TIAM1: variants seen among roughly 807,000 people sequenced by gnomAD.
The protein encoded by TIAM1 is rho guanine nucleotide exchange factor TIAM1.
Under a neutral mutation model 163.5 loss-of-function variants are expected in TIAM1, and 65 were observed. The ratio of observed to expected loss-of-function variants is 0.40; its 90% confidence interval spans 0.33 to 0.49. The LOEUF (loss-of-function observed/expected upper bound fraction) is 0.49, where lower values mean the gene tolerates loss of function less well. Among genes scored for constraint, TIAM1 ranks in the 20% least tolerant of loss-of-function variants. The pLI is 0.77. For synonymous variants in TIAM1, 833 were observed against 810.1 expected (o/e 1.03, Z -0.48); for missense variants, 1,789 against 2,044.7 (o/e 0.87, Z 2.41).
At chr21:31,512,779 A>C (rs1007283954) in intron 1 of TIAM1, among the ~76,000 whole-genome samples, 2 of 150,354 alleles carry the variant, frequency 1.3e-5, no homozygotes, top group African/African-American at 4.9e-5. Context: ...CACCATGCCT[A>C]GTTAGGTGTT....
At chr21:31,380,606 G>A (rs1261926124) in intron 2 of TIAM1, among the ~76,000 whole-genome samples, 1 of 152,014 alleles carries the variant, frequency 6.6e-6, no homozygotes, top group East Asian at 1.9e-4. Context: ...TTATGGAAGT[G>A]TACATTTTAA....
chr21:31,453,642 T>C (rs2044964257), intron 2 of TIAM1, among the ~76,000 whole-genome samples: 1 of 151,408 alleles, frequency 6.6e-6, no homozygotes, highest in African/African-American at 2.4e-5. Context: ...GCAGTGAGAT[T>C]GCGCCACTGC....
intron 2 of TIAM1, among the ~76,000 whole-genome samples, chr21:31,333,355 T>C (rs1196082626): frequency 6.6e-6 from 1 of 152,238 alleles, no homozygotes; most frequent in African/African-American, 2.4e-5. Context: ...TTCAAATTTA[T>C]CAAACTTCTA....
intron 2 of TIAM1, among the ~76,000 whole-genome samples, chr21:31,376,379 G>A (rs1347208233): frequency 6.6e-6 from 1 of 152,116 alleles, no homozygotes; most frequent in Non-Finnish European, 1.5e-5. Context: ...GCACTCCACG[G>A]TATGCAGGGC....
rs189666965 is a variant in TIAM1, at chr21:31,258,883, G to A, written c.964-6694C>T. Among the ~76,000 whole-genome samples, 498 of 151,830 alleles carry A rather than the reference G, an allele frequency of 3.3e-3. 3 individuals carry two copies. Among genetic ancestry groups the A allele is most frequent in the African/African-American group, 0.011 (460 of 41,404 alleles). On this transcript the variant is annotated intron_variant, in intron 4 of 27. Coordinates refer to ENST00000541036, the MANE Select transcript of TIAM1 (RefSeq NM_001353694.2). ...GCCCAAGCTAGATACTCGGTCAACT[G>A]GTGGTCCAAAGCCAACTGGGCCCAA...
intron 2 of TIAM1, among the ~76,000 whole-genome samples, chr21:31,335,463 G>A (rs925631481): frequency 6.6e-6 from 1 of 152,020 alleles, no homozygotes; most frequent in Non-Finnish European, 1.5e-5. Context: ...TTGTAATCCC[G>A]GGAGGCCAAG....
intron 2 of TIAM1, among the ~76,000 whole-genome samples, chr21:31,383,071 C>A (rs1402400382): frequency 6.6e-6 from 1 of 151,992 alleles, no homozygotes; most frequent in East Asian, 1.9e-4. Flanking sequence ...GAAACCCCGT[C>A]TCTACTAAAA....
At chr21:31,525,068 G>C (rs2147504050) in intron 1 of TIAM1, among the ~76,000 whole-genome samples, 1 of 152,138 alleles carries the variant, frequency 6.6e-6, no homozygotes, top group Middle Eastern at 3.4e-3. Context: ...AAAAGAGAGA[G>C]GGGCCAGACT....
intron 1 of TIAM1, among the ~76,000 whole-genome samples, chr21:31,495,843 G>T (rs1199086859): frequency 6.6e-6 from 1 of 152,126 alleles, no homozygotes; most frequent in Admixed American, 6.5e-5. Flanking sequence ...GCAGGGGCAG[G>T]CGCCTATAAT....
intron 2 of TIAM1, among the ~76,000 whole-genome samples, chr21:31,419,365 C>T (rs531610862): frequency 2.0e-5 from 3 of 152,274 alleles, no homozygotes; most frequent in South Asian, 2.1e-4. Context: ...AGGACAGTGA[C>T]GCACCTTGTA....
intron 2 of TIAM1, among the ~76,000 whole-genome samples, chr21:31,323,537 AT>A (rs2075385284): frequency 6.6e-6 from 1 of 152,056 alleles, no homozygotes; most frequent in African/African-American, 2.4e-5. Context: ...TCTATAAAAA[AT>A]TTAAAAATTA....
intron 2 of TIAM1, among the ~76,000 whole-genome samples, chr21:31,405,505 T>C (rs2077231966): frequency 6.6e-6 from 1 of 152,078 alleles, no homozygotes; most frequent in South Asian, 2.1e-4. Context: ...GATAAAGACA[T>C]AACTGAGACT....
intron 2 of TIAM1, among the ~76,000 whole-genome samples, chr21:31,371,626 A>C (rs1324562251): frequency 6.6e-6 from 1 of 152,216 alleles, no homozygotes; most frequent in Non-Finnish European, 1.5e-5. Context: ...AAAAGAACTA[A>C]GGGTTGAACC....
In TIAM1 at chr21:31,245,672, G is replaced by A. The variant is rs1204159577; in HGVS notation, c.1412-12C>T. On this transcript the variant is annotated splice_polypyrimidine_tract_variant and intron_variant, in intron 5 of 27. Transcript: ENST00000541036. ...AAATAGCGTGCATCCTGAGGAAACA[G>A]AACAGGGGTGTGCATGAGTATTCAG... 1.9e-6 allele frequency: 3 copies of A among 1,539,242 alleles called. No individual in the cohort carries two copies. The highest frequency in any genetic ancestry group is 2.8e-5 in the African/African-American group (2 of 72,186).
At chr21:31,526,194 T>G (rs574195057) in intron 1 of TIAM1, among the ~76,000 whole-genome samples, 1 of 152,200 alleles carries the variant, frequency 6.6e-6, no homozygotes, top group South Asian at 2.1e-4. Flanking sequence ...CTGGGGCAGA[T>G]GAGTAAGCAA....
At chr21:31,369,967 G>C (rs1319108456) in intron 2 of TIAM1, among the ~76,000 whole-genome samples, 3 of 152,100 alleles carry the variant, frequency 2.0e-5, no homozygotes, top group Non-Finnish European at 4.4e-5. Context: ...CCTGGGGTAG[G>C]ACTTTTGGGA....
At chr21:31,465,574 TC>T (rs1294993094) in intron 1 of TIAM1, among the ~76,000 whole-genome samples, 4 of 130,564 alleles carry the variant, frequency 3.1e-5, no homozygotes, top group African/African-American at 8.1e-5. Context: ...GTAGTGATCT[TC>T]TTTTTTTTTT....
At chr21:31,210,705 GAGAA>G (rs1194009065) in intron 10 of TIAM1, among the ~76,000 whole-genome samples, 15 of 89,794 alleles carry the variant, frequency 1.7e-4, no homozygotes, top group Non-Finnish European at 2.6e-4. Flanking sequence ...AAGAAAGAAA[GAGAA>G]AGAAAGAGAA....
intron 1 of TIAM1, among the ~76,000 whole-genome samples, chr21:31,543,648 A>G (rs4817403): frequency 0.43 from 65,447 of 152,086 alleles, 15,402 homozygotes; most frequent in East Asian, 0.78. Context: ...GCAGAAATAG[A>G]AATGTCCCAG....
Sources: gnomAD v4.1 joint callset for allele counts (sites outside exome capture counted in the v4.1 genomes callset) on GRCh38, gnomAD v4.1.1 for gene constraint, MANE v1.5 for transcripts, NCBI Gene and HGNC (gene_info 2026-07-23, HGNC 2026-07-21) for gene names.